SMG6: variants seen among roughly 807,000 people sequenced by gnomAD.
SMG6 encodes SMG6 nonsense mediated mRNA decay factor.
In SMG6, 66 loss-of-function variants were observed where a neutral mutation model predicts 142.2. That is an observed-to-expected ratio of 0.46 (90% CI 0.38 to 0.57). SMG6 has a LOEUF of 0.57. Ranked by LOEUF, SMG6 falls within the 20% of genes least tolerant of loss-of-function variation. The pLI is 0.00. For missense variants in SMG6, 1,793 were observed against 1,832.0 expected, an observed-to-expected ratio of 0.98 and a Z score of 0.39; for synonymous variants, 779 against 702.4, an observed-to-expected ratio of 1.11 and a Z score of -1.72.
At chr17:2,171,669 G>C (rs539096575) in intron 13 of SMG6, among the ~76,000 whole-genome samples, 1 of 151,912 alleles carries the variant, frequency 6.6e-6, no homozygotes, top group Non-Finnish European at 1.5e-5. Flanking sequence ...CCACTGCAAC[G>C]GGCCAAGACT....
intron 9 of SMG6, 90 bp downstream of exon 9, chr17:2,244,568 C>CA (rs1883631604): frequency 1.0e-6 from 1 of 967,818 alleles, no homozygotes; most frequent in Non-Finnish European, 1.6e-6. Context: ...CCTGTGCCCT[C>CA]AGTTACAAAC....
At chr17:2,279,709 G>A (rs966205119) in intron 8 of SMG6, among the ~76,000 whole-genome samples, 1 of 152,114 alleles carries the variant, frequency 6.6e-6, no homozygotes, top group African/African-American at 2.4e-5. Context: ...GTACTGACTG[G>A]ATGTGGGGAC....
intron 15 of SMG6, among the ~76,000 whole-genome samples, chr17:2,077,538 T>C (rs2068294413): frequency 6.6e-6 from 1 of 152,112 alleles, no homozygotes; most frequent in South Asian, 2.1e-4. Flanking sequence ...AGAGCATGCC[T>C]AGGGAGTGGA....
At chr17:2,216,950 T>C (rs977255807) in intron 10 of SMG6, among the ~76,000 whole-genome samples, 1 of 152,042 alleles carries the variant, frequency 6.6e-6, no homozygotes, top group African/African-American at 2.4e-5. Flanking sequence ...AAAACCTAAG[T>C]TGCTTCTTTT....
At chr17:2,297,169 T>C (rs2075160891) in intron 4 of SMG6, 74 bp downstream of exon 4, 1 of 1,038,260 alleles carries the variant, frequency 9.6e-7, no homozygotes, top group Non-Finnish European at 1.4e-6. Context: ...GTACAGTGTC[T>C]AGCACATACC....
intron 8 of SMG6, among the ~76,000 whole-genome samples, chr17:2,276,114 A>T (rs1339323976): frequency 6.6e-6 from 1 of 152,244 alleles, no homozygotes; most frequent in Non-Finnish European, 1.5e-5. Context: ...CAGTTCTGCT[A>T]TAATGTTCAT....
intron 8 of SMG6, among the ~76,000 whole-genome samples, chr17:2,254,737 A>T (rs540262800): frequency 6.6e-6 from 1 of 152,246 alleles, no homozygotes; most frequent in South Asian, 2.1e-4. Flanking sequence ...ACAAAAACCT[A>T]CTGGGCACAT....
chr17:2,280,498 T>C, intron 8 of SMG6: 1 of 630,928 alleles, frequency 1.6e-6, no homozygotes, highest in Non-Finnish European at 2.0e-6. Flanking sequence ...CTCCTGACCT[T>C]GTGATCTGCT....
At chr17:2,075,143 A>G (rs2068221396) in intron 15 of SMG6, among the ~76,000 whole-genome samples, 1 of 152,194 alleles carries the variant, frequency 6.6e-6, no homozygotes, top group Non-Finnish European at 1.5e-5. Flanking sequence ...GCCAGGCCTG[A>G]GTGTCTGCCT....
chr17:2,131,797 AC>A (rs1256285493), intron 13 of SMG6, among the ~76,000 whole-genome samples: 2 of 152,204 alleles, frequency 1.3e-5, no homozygotes, highest in African/African-American at 4.8e-5. Flanking sequence ...ACGGTGGCAC[AC>A]GCCTGTAATT....
chr17:2,255,351 C>G (rs1433805262), intron 8 of SMG6, among the ~76,000 whole-genome samples: 1 of 133,428 alleles, frequency 7.5e-6, no homozygotes, highest in East Asian at 2.1e-4. Flanking sequence ...TTGCAGTGAG[C>G]CGAGATCGCG....
At chr17:2,075,623 G>A (rs1022597797) in intron 15 of SMG6, among the ~76,000 whole-genome samples, 1 of 152,234 alleles carries the variant, frequency 6.6e-6, no homozygotes, top group Non-Finnish European at 1.5e-5. Flanking sequence ...CTTTGCCCTG[G>A]TGGTTTGGTT....
At position 2,299,167 on chromosome 17, in the gene SMG6, T is replaced by C. The variant is rs753825406; in HGVS notation, c.1586A>G (p.Gln529Arg). 1.3e-5 allele frequency: 21 copies of C among 1,613,032 alleles called. 1 individual carries two copies. In the South Asian group the frequency reaches 1.8e-4, roughly 14 times the overall value. Residue 529 changes from glutamine to arginine, a missense_variant, in exon 2 of 19, where the codon CAG (glutamine) becomes CGG (arginine). Gln to Arg is a conservative substitution (Grantham distance 43). This residue lies in a region of SMG6 where 1,597 missense variants were observed against 1,584.6 expected (regional missense o/e 1.01). Coordinates refer to ENST00000263073, the MANE Select transcript of SMG6 (RefSeq NM_017575.5). The surrounding 1 kb of genome is among the most constrained non-coding windows in gnomAD (Gnocchi z 4.3). Reference protein sequence around the residue: ...QYPYTGYNPLQYPVGPTNGVY... With the variant: ...QYPYTGYNPLRYPVGPTNGVY... ...ACCATTCGTAGGGCCCACTGGGTACTGTAGAGGGTTATAGCCCGTATAGGG... is the reference window on the plus strand; with the variant it reads ...ACCATTCGTAGGGCCCACTGGGTACCGTAGAGGGTTATAGCCCGTATAGGG...
intron 13 of SMG6, among the ~76,000 whole-genome samples, chr17:2,098,748 AGCC>A (rs2068926294): frequency 6.6e-6 from 1 of 152,016 alleles, no homozygotes; most frequent in African/African-American, 2.4e-5. Context: ...CTCCTGCCTC[AGCC>A]TCCCGAGTAG....
chr17:2,158,900 T>TA (rs58337632), intron 13 of SMG6, among the ~76,000 whole-genome samples: 45,120 of 127,140 alleles, frequency 0.35, 8,663 homozygotes, highest in Non-Finnish European at 0.42. Context: ...AGACTATGTT[T>TA]AAAAAAAAAA....
In SMG6 at chr17:2,085,157, C is replaced by T. The variant is rs1294872005; in HGVS notation, c.3534+568G>A. 6.6e-6 allele frequency among the ~76,000 whole-genome samples: 1 copy of T among 152,128 alleles called. No individual in the cohort carries two copies. Among genetic ancestry groups the T allele is most frequent in the African/African-American group, 2.4e-5 (1 of 41,418 alleles). On this transcript the variant is annotated intron_variant, in intron 14 of 18. Coordinates refer to ENST00000263073, the MANE Select transcript of SMG6 (RefSeq NM_017575.5). The surrounding 1 kb of genome is among the most constrained non-coding windows in gnomAD (Gnocchi z 4.1). ...ACACACACACAGACGCGCACACACA[C>T]ACACAGACACACACACACGAGTCTG...
intron 13 of SMG6, among the ~76,000 whole-genome samples, chr17:2,131,051 C>T (rs2070105093): frequency 6.6e-6 from 1 of 152,130 alleles, no homozygotes; most frequent in African/African-American, 2.4e-5. Flanking sequence ...AAAAGTAACC[C>T]TTTTACCCCA....
At chr17:2,122,713 C>T (rs1299766712) in intron 13 of SMG6, among the ~76,000 whole-genome samples, 2 of 152,144 alleles carry the variant, frequency 1.3e-5, no homozygotes, top group Non-Finnish European at 2.9e-5. Context: ...GGACGTCGGC[C>T]CCATATACTG....
intron 18 of SMG6, chr17:2,062,002 C>CTT (rs141681719): frequency 6.8e-4 from 104 of 153,728 alleles, no homozygotes; most frequent in East Asian, 6.3e-3. Context: ...CCACACCCCA[C>CTT]TTTTTTTTTT....
Sources: allele counts gnomAD v4.1 joint callset (sites outside exome capture counted in the v4.1 genomes callset), GRCh38; gene constraint gnomAD v4.1.1; regional missense constraint gnomAD v4.1.1; non-coding constraint Gnocchi (gnomAD v3.1); transcripts MANE v1.5; gene names NCBI Gene and HGNC (gene_info 2026-07-23, HGNC 2026-07-21).